The following LMX1A variants were observed in gnomAD, a reference collection of about 807,000 sequenced individuals.
LMX1A encodes the protein LIM homeobox transcription factor 1-alpha.
A neutral mutation model predicts 49.1 loss-of-function variants in LMX1A; 15 were observed. The observed-to-expected ratio is 0.31, with a 90% CI of 0.20 to 0.47. The LOEUF (loss-of-function observed/expected upper bound fraction) is 0.47. LMX1A is among the 20% of genes least tolerant of loss of function. The probability of loss-of-function intolerance (pLI) is 1.00; values close to 1 mark genes in which losing one functional copy is unlikely to be tolerated. For synonymous variants in LMX1A, 167 were observed against 185.7 expected (o/e 0.90, Z 0.82); for missense variants, 372 against 475.8 (o/e 0.78, Z 2.03).
At chr1:165,335,534 C>T (rs7554956) in intron 3 of LMX1A, among the ~76,000 whole-genome samples, 3 of 152,038 alleles carry the variant, frequency 2.0e-5, no homozygotes, top group East Asian at 1.9e-4. Context: ...CCACTTCTTT[C>T]GCATTATTTC....
intron 3 of LMX1A, among the ~76,000 whole-genome samples, chr1:165,259,900 T>C (rs1246098325): frequency 6.6e-6 from 1 of 152,218 alleles, no homozygotes; most frequent in Non-Finnish European, 1.5e-5. Context: ...ACTTGGAAGC[T>C]TTCTTTTCCT....
At chr1:165,344,620 G>C (rs1214936878) in intron 3 of LMX1A, among the ~76,000 whole-genome samples, 1 of 152,190 alleles carries the variant, frequency 6.6e-6, no homozygotes. Flanking sequence ...CCTCTGGACT[G>C]TGATGGACCA....
At chr1:165,316,225 A>C (rs751527223) in intron 3 of LMX1A, among the ~76,000 whole-genome samples, 4 of 152,238 alleles carry the variant, frequency 2.6e-5, no homozygotes, top group Non-Finnish European at 5.9e-5. Context: ...CAGTGCACAC[A>C]GGCATGAAGG....
At chr1:165,353,678 T>A (rs889617918) in intron 2 of LMX1A, among the ~76,000 whole-genome samples, 5 of 152,348 alleles carry the variant, frequency 3.3e-5, no homozygotes, top group Admixed American at 2.6e-4. Flanking sequence ...ATAAGAACAA[T>A]TTGGATTTTT....
intron 3 of LMX1A, among the ~76,000 whole-genome samples, chr1:165,350,049 G>A (rs1656373025): frequency 6.6e-6 from 1 of 151,914 alleles, no homozygotes; most frequent in African/African-American, 2.4e-5. Flanking sequence ...CCAAGGCACT[G>A]CCTGCATATT....
At chr1:165,307,464 C>T (rs557675094) in intron 3 of LMX1A, among the ~76,000 whole-genome samples, 1 of 152,342 alleles carries the variant, frequency 6.6e-6, no homozygotes, top group South Asian at 2.1e-4. Flanking sequence ...GGCCACAGTA[C>T]AACTTGGGAT....
intron 4 of LMX1A, among the ~76,000 whole-genome samples, chr1:165,215,818 A>T (rs1386535941): frequency 6.6e-6 from 1 of 152,190 alleles, no homozygotes; most frequent in Non-Finnish European, 1.5e-5. Context: ...CCCATGCTGT[A>T]AGTATGGCCC....
At position 165,263,332 on chromosome 1, in the gene LMX1A, C is replaced by T. The variant is rs567014896; in HGVS notation, c.264-13692G>A. 3.7e-4 allele frequency among the ~76,000 whole-genome samples: 57 copies of T among 152,338 alleles called. 1 individual carries two copies. The South Asian group carries it at 0.011, about 30-fold the overall frequency. ...AAATAAAATTCCTGATCTTTTCCCA[C>T]CCACCTCACTCTGGCTCCAATCTGC... On this transcript the variant is annotated intron_variant, in intron 3 of 8. Coordinates refer to ENST00000342310, the MANE Select transcript of LMX1A (RefSeq NM_177398.4).
In LMX1A at chr1:165,219,422, AGGGTCT is replaced by A. The variant is rs144050093; in HGVS notation, c.497-5615_497-5610del. Among the ~76,000 whole-genome samples the A allele has an allele frequency of 8.1e-3, 1,232 of 152,214 alleles. 16 individuals carry two copies. Among genetic ancestry groups the A allele is most frequent in the African/African-American group, 0.028 (1,156 of 41,544 alleles). Reference sequence around the variant, plus strand: ...TCTTTTAGACAGGGGGAGTAGAGGAAGGGTCTGGGATTTGTTGTGAGTGGAGGGAGG... The same window carrying A: ...TCTTTTAGACAGGGGGAGTAGAGGAAGGGATTTGTTGTGAGTGGAGGGAGG... On this transcript the variant is annotated intron_variant, in intron 4 of 8. Transcript: ENST00000342310.
chr1:165,307,798 G>A (rs981683381), intron 3 of LMX1A, among the ~76,000 whole-genome samples: 2 of 152,240 alleles, frequency 1.3e-5, no homozygotes, highest in Non-Finnish European at 2.9e-5. Flanking sequence ...TGAGTTATTA[G>A]CATGACCGTC....
intron 8 of LMX1A, among the ~76,000 whole-genome samples, chr1:165,205,330 T>C (rs939766277): frequency 6.6e-5 from 10 of 152,206 alleles, no homozygotes; most frequent in Admixed American, 3.3e-4. Context: ...GCTACCCATA[T>C]ATGCAGCATT....
chr1:165,251,522 A>C (rs1653060405), intron 3 of LMX1A, among the ~76,000 whole-genome samples: 2 of 152,192 alleles, frequency 1.3e-5, no homozygotes, highest in Non-Finnish European at 2.9e-5. Flanking sequence ...CAGCAGAGGT[A>C]AGACAGAAAG....
intron 5 of LMX1A, 76 bp from the exon 6 acceptor site, chr1:165,210,852 T>G (rs1532815): frequency 3.9e-6 from 4 of 1,020,786 alleles, no homozygotes; most frequent in Non-Finnish European, 5.9e-6. Context: ...TATATAATAC[T>G]TGAGGAGGCC....
intron 3 of LMX1A, among the ~76,000 whole-genome samples, chr1:165,289,918 C>G (rs192811026): frequency 6.6e-6 from 1 of 152,190 alleles, no homozygotes; most frequent in African/African-American, 2.4e-5. Flanking sequence ...AGTTTTCAAT[C>G]CTGGCTGGTG....
intron 8 of LMX1A, 64 bp from the exon 9 acceptor site, chr1:165,204,104 T>C: frequency 6.5e-7 from 1 of 1,545,456 alleles, no homozygotes; most frequent in Non-Finnish European, 8.9e-7. Flanking sequence ...AGTGCTAGGA[T>C]ATTCAGCTGA....
chr1:165,328,165 C>G (rs2101749893), intron 3 of LMX1A, among the ~76,000 whole-genome samples: 1 of 152,342 alleles, frequency 6.6e-6, no homozygotes, highest in South Asian at 2.1e-4. Context: ...TTCTTTCTCA[C>G]TGTTTCAAAC....
At chr1:165,300,549 A>T (rs1654748859) in intron 3 of LMX1A, among the ~76,000 whole-genome samples, 1 of 152,162 alleles carries the variant, frequency 6.6e-6, no homozygotes, top group East Asian at 1.9e-4. Context: ...GCAGCACTTT[A>T]TGCATACATT....
At chr1:165,352,994 G>GGCCCAAGTCTTTTACCCA (rs1413151695) in intron 3 of LMX1A, 82 bp downstream of exon 3, 24 of 1,415,504 alleles carry the variant, frequency 1.7e-5, no homozygotes, top group Non-Finnish European at 2.3e-5. Context: ...TTCCAGAAAA[G>GGCCCAAGTCTTTTACCCA]GACTAGGGTA....
At chr1:165,320,797 C>T (rs868272277) in intron 3 of LMX1A, among the ~76,000 whole-genome samples, 2 of 152,208 alleles carry the variant, frequency 1.3e-5, no homozygotes, top group Admixed American at 6.5e-5. Context: ...AGAGGGAAGC[C>T]GGTAGTTTTA....
Sources: gnomAD v4.1 joint callset for allele counts (sites outside exome capture counted in the v4.1 genomes callset) on GRCh38, gnomAD v4.1.1 for gene constraint, MANE v1.5 for transcripts, NCBI Gene and HGNC (gene_info 2026-07-23, HGNC 2026-07-21) for gene names.